Variants in TYW1B observed in about 807,000 individuals in gnomAD.
The protein encoded by TYW1B is S-adenosyl-L-methionine-dependent tRNA 4-demethylwyosine synthase TYW1B.
A neutral mutation model predicts 86.9 loss-of-function variants in TYW1B; 73 were observed. The observed-to-expected ratio is 0.84, with a 90% CI of 0.70 to 1.02. TYW1B has a LOEUF of 1.02. TYW1B is among the 50% of genes least tolerant of loss of function. The pLI, the probability that TYW1B is intolerant of heterozygous loss-of-function variation, is 0.00. For missense variants in TYW1B, 637 were observed against 827.4 expected (o/e 0.77, Z 2.82); for synonymous variants, 248 against 292.8 (o/e 0.85, Z 1.56).
intron 13 of TYW1B, among the ~76,000 whole-genome samples, chr7:72,596,801 T>G (rs1368908908): frequency 1.3e-5 from 2 of 151,918 alleles, no homozygotes; most frequent in African/African-American, 4.8e-5. Context: ...TTAAAAGGCA[T>G]GCATCAAAAG....
chr7:72,656,304 A>G (rs1366945424), intron 11 of TYW1B, among the ~76,000 whole-genome samples: 1 of 152,204 alleles, frequency 6.6e-6, no homozygotes, highest in Non-Finnish European at 1.5e-5. Flanking sequence ...TCTACAGGAA[A>G]AAGTCTTTGC....
In TYW1B at chr7:72,794,275, G is replaced by T. The variant is rs530045296; in HGVS notation, c.846+8125C>A. Among the ~76,000 whole-genome samples the T allele has an allele frequency of 6.6e-5, 10 of 152,270 alleles. No homozygotes were observed. The South Asian group carries it at 2.1e-3, about 32-fold the overall frequency. On this transcript the variant is annotated intron_variant, in intron 6 of 13. Coordinates refer to ENST00000620995, the MANE Select transcript of TYW1B (RefSeq NM_001145440.3). ...TAAGCAGCCATCAGTATACTTCTTG[G>T]CCAGGTGCAGTGGCTCACGCCTGGA...
intron 11 of TYW1B, among the ~76,000 whole-genome samples, chr7:72,662,823 C>T (rs533002398): frequency 1.3e-5 from 2 of 152,142 alleles, no homozygotes; most frequent in Non-Finnish European, 2.9e-5. Context: ...TTCACACTGC[C>T]ATAAATCAAA....
intron 11 of TYW1B, among the ~76,000 whole-genome samples, chr7:72,684,895 G>A (rs1554448997): frequency 6.6e-6 from 1 of 152,042 alleles, no homozygotes. Context: ...CGGATCACTT[G>A]AGGTCAGGAG....
intron 13 of TYW1B, among the ~76,000 whole-genome samples, chr7:72,594,042 G>A (rs1291311237): frequency 6.6e-6 from 1 of 151,674 alleles, no homozygotes; most frequent in African/African-American, 2.4e-5. Context: ...AAAACTTATA[G>A]CTATAAACAC....
At chr7:72,640,133 A>G (rs1320086600) in intron 11 of TYW1B, among the ~76,000 whole-genome samples, 2 of 152,056 alleles carry the variant, frequency 1.3e-5, no homozygotes, top group African/African-American at 4.8e-5. Context: ...CTTATAATAA[A>G]ATTCCTTAGT....
intron 8 of TYW1B, among the ~76,000 whole-genome samples, chr7:72,737,935 C>T (rs13224311): frequency 0.056 from 8,458 of 151,140 alleles, 556 homozygotes; most frequent in East Asian, 0.33. Context: ...CCACCAAGCC[C>T]GGCTAATTTT....
chr7:72,651,198 AATT>A (rs1813046110), intron 11 of TYW1B, among the ~76,000 whole-genome samples: 1 of 152,220 alleles, frequency 6.6e-6, no homozygotes, highest in Admixed American at 6.5e-5. Context: ...ACGGAAACTT[AATT>A]ATGAGAGGCA....
At chr7:72,815,728 T>C (rs1439771503) in intron 2 of TYW1B, among the ~76,000 whole-genome samples, 1 of 152,160 alleles carries the variant, frequency 6.6e-6, no homozygotes, top group Non-Finnish European at 1.5e-5. Flanking sequence ...GGATGATCAA[T>C]CTGCCTTGCC....
chr7:72,604,184 C>G (rs1811742147), intron 13 of TYW1B, among the ~76,000 whole-genome samples: 1 of 152,028 alleles, frequency 6.6e-6, no homozygotes, highest in Non-Finnish European at 1.5e-5. Context: ...TAATAATTGG[C>G]CAGGTGCAGT....
At chr7:72,628,452 C>G (rs1812406663) in intron 12 of TYW1B, among the ~76,000 whole-genome samples, 1 of 152,124 alleles carries the variant, frequency 6.6e-6, no homozygotes, top group Admixed American at 6.5e-5. Flanking sequence ...TGAAACAACT[C>G]TGGGTCATGA....
chr7:72,628,828 A>G, intron 12 of TYW1B, 59 bp downstream of exon 12: 1 of 1,455,332 alleles, frequency 6.9e-7, no homozygotes, highest in Non-Finnish European at 9.3e-7. Context: ...ACGATGGCCA[A>G]CGAAGCACCA....
intron 13 of TYW1B, among the ~76,000 whole-genome samples, chr7:72,616,014 C>T (rs2129568396): frequency 6.6e-6 from 1 of 152,064 alleles, no homozygotes; most frequent in South Asian, 2.1e-4. Flanking sequence ...TAGAGGAGAA[C>T]ATATAATGAG....
intron 6 of TYW1B, among the ~76,000 whole-genome samples, chr7:72,780,645 A>G (rs1393404009): frequency 1.3e-5 from 2 of 152,150 alleles, no homozygotes; most frequent in African/African-American, 4.8e-5. Flanking sequence ...TTCACTAGAG[A>G]AAGTATCTAT....
chr7:72,612,791 C>T (rs1267342968), intron 13 of TYW1B, among the ~76,000 whole-genome samples: 1 of 151,748 alleles, frequency 6.6e-6, no homozygotes. Flanking sequence ...ACTCTGTTGC[C>T]CAGAATAAAG....
At chr7:72,738,683 G>C (rs1180768511) in intron 8 of TYW1B, among the ~76,000 whole-genome samples, 1 of 152,102 alleles carries the variant, frequency 6.6e-6, no homozygotes, top group Non-Finnish European at 1.5e-5. Flanking sequence ...CCCCAGCTGA[G>C]AACCACCGAT....
intron 13 of TYW1B, among the ~76,000 whole-genome samples, chr7:72,582,966 A>G (rs1180324529): frequency 6.6e-6 from 1 of 152,206 alleles, no homozygotes; most frequent in African/African-American, 2.4e-5. Context: ...CATCTAAACA[A>G]AAATCTGGTA....
intron 13 of TYW1B, among the ~76,000 whole-genome samples, chr7:72,593,907 C>T (rs1231396834): frequency 2.0e-5 from 3 of 150,088 alleles, no homozygotes; most frequent in African/African-American, 7.3e-5. Context: ...GCAACACACC[C>T]CTAAATATTA....
At chr7:72,798,546 C>CA (rs1461820940) in intron 6 of TYW1B, among the ~76,000 whole-genome samples, 7 of 152,116 alleles carry the variant, frequency 4.6e-5, no homozygotes, top group African/African-American at 1.2e-4. Context: ...CAGTATTCGA[C>CA]AGAGTTGTTT....
Sources: allele counts gnomAD v4.1 joint callset (sites outside exome capture counted in the v4.1 genomes callset), GRCh38; gene constraint gnomAD v4.1.1; transcripts MANE v1.5; gene names NCBI Gene and HGNC (gene_info 2026-07-23, HGNC 2026-07-21).